The following MTBP variants were observed in gnomAD, a reference collection of about 807,000 sequenced individuals.
MTBP encodes mdm2-binding protein.
A neutral mutation model predicts 117.0 loss-of-function variants in MTBP; 101 were observed. The ratio of observed to expected loss-of-function variants is 0.86; its 90% CI spans 0.73 to 1.02. The LOEUF (loss-of-function observed/expected upper bound fraction) is 1.02. MTBP is among the 50% of genes least tolerant of loss of function. The probability of loss-of-function intolerance (pLI) is 0.00; values close to 1 mark genes in which losing one functional copy is unlikely to be tolerated. For missense variants in MTBP, 970 were observed against 1,030.9 expected, an observed-to-expected ratio of 0.94 and a Z score of 0.81; for synonymous variants, 350 against 351.5, an observed-to-expected ratio of 1.00 and a Z score of 0.05.
intron 13 of MTBP, among the ~76,000 whole-genome samples, chr8:120,496,378 CCATCCTATTTTGAAATGGAAGTT>C (rs1187017700): frequency 1.3e-5 from 2 of 152,150 alleles, no homozygotes; most frequent in African/African-American, 4.8e-5. Context: ...TCTTTTGTTT[CCATCCTATTTTGAAATGGAAGTT>C]TTGTATGCTT....
intron 20 of MTBP, among the ~76,000 whole-genome samples, chr8:120,520,296 CTT>C (rs1379493807): frequency 6.6e-6 from 1 of 151,928 alleles, no homozygotes; most frequent in Non-Finnish European, 1.5e-5. Flanking sequence ...AGCTCCATAA[CTT>C]TAAAAATATG....
intron 17 of MTBP, among the ~76,000 whole-genome samples, chr8:120,511,381 C>T (rs546477817): frequency 1.3e-5 from 2 of 152,332 alleles, no homozygotes; most frequent in African/African-American, 2.4e-5. Flanking sequence ...CTGCAACCTC[C>T]GTTTCCCGGG....
rs565475681 is a variant in MTBP at position 120,459,826 on chromosome 8, A to G, written c.882+477A>G. Among the ~76,000 whole-genome samples the G allele has an allele frequency of 2.8e-4, 42 of 152,304 alleles. No homozygotes were observed. The South Asian group carries it at 8.1e-3, about 29-fold the overall frequency. On this transcript the variant is annotated intron_variant, in intron 8 of 21. Coordinates refer to ENST00000305949, the MANE Select transcript of MTBP (RefSeq NM_022045.5). ...GGATTAAATGAGGTGAGAGTTTAAT[A>G]TGTGACATAGTACCTGACATATGCT... is the stretch of plus-strand genomic sequence containing the variant.
At chr8:120,521,579 A>G (rs1815007909) in intron 20 of MTBP, among the ~76,000 whole-genome samples, 1 of 152,196 alleles carries the variant, frequency 6.6e-6, no homozygotes, top group African/African-American at 2.4e-5. Flanking sequence ...ATTAAGGTAT[A>G]AATAAGGGAA....
At chr8:120,503,025 A>G (rs1263988995) in intron 15 of MTBP, among the ~76,000 whole-genome samples, 2 of 152,198 alleles carry the variant, frequency 1.3e-5, no homozygotes, top group Non-Finnish European at 2.9e-5. Context: ...AATGAACTGT[A>G]TGAGGCAGGA....
chr8:120,479,537 A>G (rs1305961318), intron 11 of MTBP, among the ~76,000 whole-genome samples: 1 of 152,212 alleles, frequency 6.6e-6, no homozygotes, highest in African/African-American at 2.4e-5. Context: ...CTTTATACTC[A>G]TTCTTTTCAA....
At chr8:120,481,778 A>G (rs1814089854) in intron 11 of MTBP, among the ~76,000 whole-genome samples, 2 of 152,192 alleles carry the variant, frequency 1.3e-5, no homozygotes, top group South Asian at 4.1e-4. Flanking sequence ...ACGTAAATAC[A>G]TATGTAATTT....
At chr8:120,516,921 A>G (rs1419244214) in intron 18 of MTBP, among the ~76,000 whole-genome samples, 1 of 152,010 alleles carries the variant, frequency 6.6e-6, no homozygotes, top group East Asian at 1.9e-4. Context: ...TTACCCTGAT[A>G]TGGAAGAACT....
In MTBP at chr8:120,523,358, A is replaced by G. The variant is rs1180958253; in HGVS notation, c.*22A>G. 4 of 1,458,784 alleles carry G rather than the reference A, an allele frequency of 2.7e-6. No individual in the cohort carries two copies. In the African/African-American group the frequency reaches 5.7e-5, roughly 21 times the overall value. 90.4% of individuals were successfully genotyped at this position (1,458,784 alleles called of 1,614,324 possible). On this transcript the variant is annotated 3_prime_UTR_variant, in exon 22 of 22. Coordinates refer to ENST00000305949, the MANE Select transcript of MTBP (RefSeq NM_022045.5). ...ATGATACATAATCATTCTCTTTAAG[A>G]CAATTATAAATTGGATGGAGCTATT...
intron 14 of MTBP, among the ~76,000 whole-genome samples, chr8:120,500,187 T>A (rs1814554566): frequency 6.6e-6 from 1 of 152,192 alleles, no homozygotes; most frequent in Non-Finnish European, 1.5e-5. Flanking sequence ...AAATGATTTT[T>A]TTTTTAAAGC....
At chr8:120,483,661 T>C (rs1416821132) in intron 11 of MTBP, among the ~76,000 whole-genome samples, 1 of 152,164 alleles carries the variant, frequency 6.6e-6, no homozygotes, top group East Asian at 1.9e-4. Context: ...CATAAGACTT[T>C]ATTGTGGTTT....
At chr8:120,456,767 A>G (rs1035827371) in intron 7 of MTBP, 97 bp downstream of exon 7, 79 of 727,698 alleles carry the variant, frequency 1.1e-4, no homozygotes, top group Non-Finnish European at 1.5e-4. Context: ...CCTTATAAAG[A>G]TATTCTAGAA....
At chr8:120,450,414 T>C (rs562475309) in intron 2 of MTBP, among the ~76,000 whole-genome samples, 17 of 152,322 alleles carry the variant, frequency 1.1e-4, no homozygotes, top group African/African-American at 4.1e-4. Context: ...TAAGCCTCAG[T>C]TACCTTTCTT....
chr8:120,503,928 A>G (rs2130604271), intron 15 of MTBP, among the ~76,000 whole-genome samples: 1 of 152,252 alleles, frequency 6.6e-6, no homozygotes, highest in South Asian at 2.1e-4. Flanking sequence ...CTTCTGGGGT[A>G]GATGGGTGGA....
intron 14 of MTBP, among the ~76,000 whole-genome samples, chr8:120,497,880 T>A (rs1288431088): frequency 6.6e-6 from 1 of 152,198 alleles, no homozygotes; most frequent in Non-Finnish European, 1.5e-5. Context: ...TAAGCTACAT[T>A]TCCATAAAGT....
At chr8:120,479,837 G>C (rs1338327525) in intron 11 of MTBP, among the ~76,000 whole-genome samples, 1 of 152,120 alleles carries the variant, frequency 6.6e-6, no homozygotes, top group African/African-American at 2.4e-5. Flanking sequence ...CACAGCTAAA[G>C]CAGTACTAAG....
intron 16 of MTBP, among the ~76,000 whole-genome samples, chr8:120,508,263 C>T (rs1278624654): frequency 2.0e-5 from 3 of 151,912 alleles, no homozygotes; most frequent in Non-Finnish European, 4.4e-5. Context: ...TATGTATATA[C>T]CAAGGAAATA....
At chr8:120,495,640 C>T (rs1814437213) in intron 13 of MTBP, among the ~76,000 whole-genome samples, 1 of 151,288 alleles carries the variant, frequency 6.6e-6, no homozygotes, top group Admixed American at 6.6e-5. Context: ...TTTCATATTA[C>T]TATGTTTTTG....
At chr8:120,454,511 A>T (rs964454043) in intron 5 of MTBP, among the ~76,000 whole-genome samples, 1 of 152,022 alleles carries the variant, frequency 6.6e-6, no homozygotes, top group Non-Finnish European at 1.5e-5. Context: ...TGGTATCCGC[A>T]AATACTTTGA....
Sources: allele counts gnomAD v4.1 joint callset (sites outside exome capture counted in the v4.1 genomes callset), GRCh38; gene constraint gnomAD v4.1.1; transcripts MANE v1.5; gene names NCBI Gene and HGNC (gene_info 2026-07-23, HGNC 2026-07-21).